CNTN1: variants seen among roughly 807,000 people sequenced by gnomAD.
The protein encoded by CNTN1 is contactin-1.
Under a neutral mutation model 126.4 loss-of-function variants are expected in CNTN1, and 38 were observed. That is an observed-to-expected ratio of 0.30 (90% CI 0.23 to 0.39). The LOEUF (loss-of-function observed/expected upper bound fraction) is 0.39, where lower values mean the gene tolerates loss of function less well. CNTN1 is among the 10% of genes least tolerant of loss of function. The pLI, the probability that CNTN1 is intolerant of heterozygous loss-of-function variation, is 1.00. For missense variants in CNTN1, 1,009 were observed against 1,248.4 expected (o/e 0.81, Z 2.89); for synonymous variants, 413 against 422.6 (o/e 0.98, Z 0.28).
At chr12:40,964,596 A>G (rs555940784) in intron 15 of CNTN1, among the ~76,000 whole-genome samples, 1 of 151,836 alleles carries the variant, frequency 6.6e-6, no homozygotes, top group South Asian at 2.1e-4. Context: ...AGGAAAAAAT[A>G]CAGTTACAGA....
rs188954846 is a variant in CNTN1 at position 40,847,165 on chromosome 12, C to T, written c.-76-61192C>T. Among the ~76,000 whole-genome samples the T allele has an allele frequency of 9.9e-5, 15 of 152,198 alleles. No homozygotes were observed. In the East Asian group the frequency reaches 2.9e-3, roughly 29 times the overall value. On this transcript the variant is annotated intron_variant, in intron 1 of 23. Transcript: ENST00000551295. ...ACAGGCGTGAGCGACTGTGCCTGGC[C>T]CTCCTTATAGTCTTGATTTGGCTAC...
chr12:40,956,917 T>C (rs1480659887), intron 14 of CNTN1, among the ~76,000 whole-genome samples: 2 of 151,772 alleles, frequency 1.3e-5, no homozygotes, highest in Non-Finnish European at 2.9e-5. Context: ...AGGTGAGAGA[T>C]GTGGGTAGTT....
In CNTN1 at chr12:40,759,774, ATTTTT is replaced by A. The variant is rs33992864; in HGVS notation, c.-77+67197_-77+67201del. Among the ~76,000 whole-genome samples the A allele has an allele frequency of 5.2e-5, 7 of 133,580 alleles. No individual in the cohort carries two copies. In the East Asian group the frequency reaches 1.1e-3, roughly 21 times the overall value. 87.6% of individuals were successfully genotyped at this position (133,580 alleles called of 152,430 possible). The stretch of plus-strand genomic sequence containing the variant: ...GTGAGCCACCTCACTTGGCCCAGAT[ATTTTT>A]TTTTTTTTTTTTTTCAAAAAGCCAC... On this transcript the variant is annotated intron_variant, in intron 1 of 23. Transcript: ENST00000551295.
intron 17 of CNTN1, among the ~76,000 whole-genome samples, chr12:41,009,655 T>C (rs1948596971): frequency 6.6e-6 from 1 of 152,224 alleles, no homozygotes; most frequent in Non-Finnish European, 1.5e-5. Context: ...CATTGGGGTG[T>C]TGAATGGGCT....
intron 1 of CNTN1, among the ~76,000 whole-genome samples, chr12:40,902,744 T>TA (rs1414344594): frequency 1.3e-5 from 2 of 152,242 alleles, no homozygotes; most frequent in Admixed American, 6.5e-5. Context: ...ATAGCAGTAC[T>TA]AAATTCTTTG....
chr12:40,909,104 C>T (rs917672851), intron 2 of CNTN1, among the ~76,000 whole-genome samples: 1 of 152,068 alleles, frequency 6.6e-6, no homozygotes, highest in African/African-American at 2.4e-5. Context: ...TCTTACACAA[C>T]TCTTTTGCCA....
intron 1 of CNTN1, among the ~76,000 whole-genome samples, chr12:40,828,768 A>G (rs150711156): frequency 1.5e-3 from 231 of 152,294 alleles, no homozygotes; most frequent in African/African-American, 3.5e-3. Flanking sequence ...AAACTCAAAT[A>G]CTGTGTTGCA....
intron 1 of CNTN1, among the ~76,000 whole-genome samples, chr12:40,719,575 A>G (rs1298033839): frequency 6.6e-6 from 1 of 152,216 alleles, no homozygotes; most frequent in East Asian, 1.9e-4. Context: ...TGAAACCTTA[A>G]CTATATTCCA....
At position 41,015,572 on chromosome 12, in the gene CNTN1, A is replaced by G. The variant is rs150978618; in HGVS notation, c.2185-1110A>G. ...TCTAATAATCTAAAATCACATACCTATTAATATATTGTGCAACCACATACA... is the reference window on the plus strand; with the variant it reads ...TCTAATAATCTAAAATCACATACCTGTTAATATATTGTGCAACCACATACA... On this transcript the variant is annotated intron_variant, in intron 18 of 23. Coordinates refer to ENST00000551295, the MANE Select transcript of CNTN1 (RefSeq NM_001843.4). 7.8e-4 allele frequency among the ~76,000 whole-genome samples: 119 copies of G among 152,306 alleles called. 1 individual carries two copies. The highest frequency in any genetic ancestry group is 7.3e-3 in the Admixed American group (111 of 15,308).
At chr12:40,873,061 T>C (rs1231411407) in intron 1 of CNTN1, among the ~76,000 whole-genome samples, 1 of 152,122 alleles carries the variant, frequency 6.6e-6, no homozygotes, top group Non-Finnish European at 1.5e-5. Flanking sequence ...TGCTGTCTAC[T>C]CTCCTCTGCA....
At chr12:40,985,689 G>T (rs1324096085) in intron 16 of CNTN1, among the ~76,000 whole-genome samples, 1 of 152,100 alleles carries the variant, frequency 6.6e-6, no homozygotes, top group East Asian at 1.9e-4. Flanking sequence ...TCCTAATGGA[G>T]CTTGGCTTCT....
Position 40,747,777 on chromosome 12 carries a change from C to CA in CNTN1, c.-77+55193dup, listed in dbSNP as rs541376650. Among the ~76,000 whole-genome samples the CA allele has an allele frequency of 2.1e-3, 317 of 150,820 alleles. 1 individual carries two copies. Among genetic ancestry groups the CA allele is most frequent in the Non-Finnish European group, 3.5e-3 (234 of 67,606 alleles). On this transcript the variant is annotated intron_variant, in intron 1 of 23. Coordinates refer to ENST00000551295, the MANE Select transcript of CNTN1 (RefSeq NM_001843.4). ...GATGGACTTGACTGTGATTTGATGC[C>CA]AAAAAAAAGTGTTTCTTAATAGGAA...
Position 40,948,254 on chromosome 12 carries a change from CTTTCTTTTTTT to C in CNTN1, c.1683+4088_1683+4098del, listed in dbSNP as rs1389125734. On this transcript the variant is annotated intron_variant, in intron 14 of 23. Coordinates refer to ENST00000551295, the MANE Select transcript of CNTN1 (RefSeq NM_001843.4). ...AGCTTTTGCTAGCTAGTTTTTCTTT[CTTTCTTTTTTT>C]TTTTTTTTTTTTTTTTGAGCCACAG... 4.4e-3 allele frequency among the ~76,000 whole-genome samples: 265 copies of C among 59,754 alleles called. 1 individual carries two copies. Among genetic ancestry groups the C allele is most frequent in the African/African-American group, 0.018 (257 of 13,990 alleles). 39.2% of individuals were successfully genotyped at this position (59,754 alleles called of 152,430 possible).
At chr12:41,054,837 T>C (rs1316291373) in intron 23 of CNTN1, among the ~76,000 whole-genome samples, 1 of 152,140 alleles carries the variant, frequency 6.6e-6, no homozygotes, top group Non-Finnish European at 1.5e-5. Context: ...AATTTTAAAA[T>C]ATTGTTTCAA....
intron 1 of CNTN1, among the ~76,000 whole-genome samples, chr12:40,761,416 C>T (rs972818668): frequency 2.6e-5 from 4 of 151,994 alleles, no homozygotes; most frequent in East Asian, 1.9e-4. Flanking sequence ...CTTTAATCTG[C>T]GGTTTCCTTT....
At chr12:40,694,189 T>C (rs1045696923) in intron 1 of CNTN1, among the ~76,000 whole-genome samples, 1 of 152,216 alleles carries the variant, frequency 6.6e-6, no homozygotes, top group African/African-American at 2.4e-5. Context: ...CCACCCACTT[T>C]CCAGGACTAA....
chr12:41,041,672 A>G (rs1228253838), intron 23 of CNTN1, among the ~76,000 whole-genome samples: 1 of 152,008 alleles, frequency 6.6e-6, no homozygotes, highest in Non-Finnish European at 1.5e-5. Flanking sequence ...GAATTTATCC[A>G]TTTCTTCTAG....
chr12:40,897,609 G>A (rs553056339), intron 1 of CNTN1, among the ~76,000 whole-genome samples: 2 of 152,272 alleles, frequency 1.3e-5, no homozygotes, highest in African/African-American at 4.8e-5. Flanking sequence ...CCGGAGGCAT[G>A]TATTGACCCT....
chr12:40,991,747 G>T (rs1026481673), intron 16 of CNTN1, among the ~76,000 whole-genome samples: 1 of 152,216 alleles, frequency 6.6e-6, no homozygotes, highest in East Asian at 1.9e-4. Flanking sequence ...AGAATGGCGT[G>T]AACCCAGGAG....
Sources: gnomAD v4.1 joint callset for allele counts (sites outside exome capture counted in the v4.1 genomes callset) on GRCh38, gnomAD v4.1.1 for gene constraint, MANE v1.5 for transcripts, NCBI Gene and HGNC (gene_info 2026-07-23, HGNC 2026-07-21) for gene names.